PIK3R3: variants seen among roughly 807,000 people sequenced by gnomAD.
PIK3R3 encodes phosphatidylinositol 3-kinase regulatory subunit gamma.
PIK3R3 carries 64 observed loss-of-function variants against 62.9 expected under a neutral mutation model. The ratio of observed to expected loss-of-function variants is 1.02; its 90% CI spans 0.83 to 1.25. PIK3R3 has a LOEUF of 1.25. Ranked by LOEUF, PIK3R3 falls within the 50% of genes most tolerant of loss-of-function variation. The pLI is 0.00. For missense variants in PIK3R3, 614 were observed against 561.6 expected (o/e 1.09, Z -0.94); for synonymous variants, 165 against 189.0 (o/e 0.87, Z 1.04).
At chr1:46,152,099 C>T in the PIK3R3 span, among the ~76,000 whole-genome samples, 1 of 152,154 alleles carries the variant, frequency 6.6e-6, no homozygotes, top group Non-Finnish European at 1.5e-5. Context: ...TTCTTTAGTC[C>T]TGGTTCAGAA....
rs75670354 is a variant in PIK3R3 at position 46,052,732 on chromosome 1, T to C, written c.941+3063A>G. Reference sequence around the variant, plus strand: ...GAATAATATCCTAGAATTTTTTTTCTATATTTAAGCAATGAAATTCTGTAT... The same window carrying C: ...GAATAATATCCTAGAATTTTTTTTCCATATTTAAGCAATGAAATTCTGTAT... On this transcript the variant is annotated intron_variant, in intron 7 of 9. Coordinates refer to ENST00000262741, the MANE Select transcript of PIK3R3 (RefSeq NM_003629.4). Among the ~76,000 whole-genome samples the C allele has an allele frequency of 4.2e-3, 635 of 152,296 alleles. 3 individuals are homozygous for C. The highest frequency in any genetic ancestry group is 0.014 in the African/African-American group (585 of 41,558).
At chr1:46,146,702 C>T in the PIK3R3 span, among the ~76,000 whole-genome samples, 4 of 41,958 alleles carry the variant, frequency 9.5e-5, no homozygotes, top group African/African-American at 3.1e-4. Context: ...CACACACACA[C>T]ACACACACAC....
intron 1 of PIK3R3, among the ~76,000 whole-genome samples, chr1:46,098,079 G>T (rs1027182871): frequency 5.9e-5 from 9 of 152,022 alleles, no homozygotes. Flanking sequence ...CAAAAATCAA[G>T]AGTATTTCTA....
At chr1:46,078,057 T>A (rs1204318134) in intron 2 of PIK3R3, among the ~76,000 whole-genome samples, 1 of 152,202 alleles carries the variant, frequency 6.6e-6, no homozygotes, top group Non-Finnish European at 1.5e-5. Flanking sequence ...GTCTCCTAGT[T>A]TGAATTTGTC....
intron 5 of PIK3R3, among the ~76,000 whole-genome samples, chr1:46,065,770 C>A (rs763648629): frequency 1.2e-4 from 18 of 152,174 alleles, no homozygotes; most frequent in Non-Finnish European, 2.1e-4. Flanking sequence ...GGTGGAGTTA[C>A]CCTAACACCC....
chr1:46,159,121 A>T, the PIK3R3 span, among the ~76,000 whole-genome samples: 2 of 148,056 alleles, frequency 1.4e-5, no homozygotes, highest in African/African-American at 2.5e-5. Flanking sequence ...ATAAATAAAT[A>T]AAATAAAATG....
At chr1:46,147,515 G>T in the PIK3R3 span, among the ~76,000 whole-genome samples, 4 of 151,892 alleles carry the variant, frequency 2.6e-5, no homozygotes, top group Non-Finnish European at 5.9e-5. Flanking sequence ...CCTCCCGAGT[G>T]CACGCCATTC....
rs1649851449 is a variant in PIK3R3 at position 46,074,306 on chromosome 1, A to AC, written c.314+3208_314+3209insG. On this transcript the variant is annotated intron_variant, in intron 3 of 9. Coordinates refer to ENST00000262741, the MANE Select transcript of PIK3R3 (RefSeq NM_003629.4). ...TCCGTCAAAAAAAAAAAAAAAAAAA[A>AC]AAAAAAAAAAACCAATAAATTCAGC... 3.4e-5 allele frequency among the ~76,000 whole-genome samples: 5 copies of AC among 146,228 alleles called. No homozygotes were observed. In the South Asian group the frequency reaches 8.7e-4, roughly 25 times the overall value.
At chr1:46,062,209 T>C (rs1482811566) in intron 5 of PIK3R3, 138 bp from the exon 6 acceptor site, 1 of 669,390 alleles carries the variant, frequency 1.5e-6, no homozygotes, top group Non-Finnish European at 2.5e-6. Context: ...GTCTTCTCCT[T>C]GTTTAGGAGG....
upstream of PIK3R3, chr1:46,132,701 G>A (rs751316416): frequency 3.9e-6 from 5 of 1,289,414 alleles, no homozygotes; most frequent in Admixed American, 4.6e-5. Flanking sequence ...CTGCCCACCC[G>A]CTGAGGCGCC....
upstream of PIK3R3, among the ~76,000 whole-genome samples, chr1:46,135,250 G>A (rs931343049): frequency 2.0e-5 from 3 of 152,126 alleles, no homozygotes; most frequent in Non-Finnish European, 4.4e-5. Context: ...ATTTGACCTG[G>A]GTGTGGATTA....
intron 8 of PIK3R3, 29 bp from the exon 9 acceptor site, chr1:46,046,117 T>A (rs1348982419): frequency 1.5e-6 from 2 of 1,342,616 alleles, no homozygotes; most frequent in Non-Finnish European, 2.1e-6. Flanking sequence ...TATATTATTC[T>A]AACAAGTTAC....
chr1:46,043,889 A>T lies in PIK3R3; in HGVS notation c.1188-18T>A. 1.2e-6 allele frequency: 2 copies of T among 1,602,132 alleles called. No homozygotes were observed. Among genetic ancestry groups the T allele is most frequent in the Admixed American group, 1.7e-5 (1 of 58,804 alleles). On this transcript the variant is annotated intron_variant, in intron 9 of 9. Transcript: ENST00000262741. ...CATCGGCCCTGCAATGACAAACCAC[A>T]GAAGAAATGTTAAGGTAGGTAACAA... is the stretch of plus-strand genomic sequence containing the variant.
At chr1:46,095,792 G>T (rs931640476) in intron 1 of PIK3R3, among the ~76,000 whole-genome samples, 3 of 152,186 alleles carry the variant, frequency 2.0e-5, no homozygotes, top group Non-Finnish European at 4.4e-5. Context: ...GTTGGAGACA[G>T]TTTCTTCAAG....
chr1:46,140,232 T>G, the PIK3R3 span, among the ~76,000 whole-genome samples: 4 of 152,116 alleles, frequency 2.6e-5, no homozygotes, highest in African/African-American at 9.7e-5. Flanking sequence ...GGCTTCAAGC[T>G]ATCCTCCTGC....
intron 1 of PIK3R3, chr1:46,104,948 A>C (rs978635200): frequency 2.3e-5 from 13 of 558,030 alleles, no homozygotes; most frequent in Admixed American, 2.1e-4. Context: ...AAAAAAAAAA[A>C]AACACACACT....
chr1:46,079,204 T>C (rs566782980), intron 2 of PIK3R3, among the ~76,000 whole-genome samples: 109 of 152,240 alleles, frequency 7.2e-4, no homozygotes, highest in Middle Eastern at 6.8e-3. Context: ...ACCTGGAAAC[T>C]GATTTGACAG....
At chr1:46,094,324 A>G (rs1284325311) in intron 1 of PIK3R3, among the ~76,000 whole-genome samples, 2 of 152,194 alleles carry the variant, frequency 1.3e-5, no homozygotes, top group African/African-American at 4.8e-5. Context: ...AATGAAGTGA[A>G]TTAGAACTAT....
Position 46,131,945 on chromosome 1 carries a change from T to C in PIK3R3, c.8A>G (p.Asn3Ser). ...ATCGCGGTCCATACTCCACACCGTA[T>C]TGTACATCGCGCTGTCAGGGGCAGG... is the stretch of plus-strand genomic sequence containing the variant. MYNTVWSMDRDDA... is the reference protein window; with the variant it reads MYSTVWSMDRDDA... Residue 3 changes from asparagine (N) to serine (S), a missense_variant, in exon 1 of 10, where the codon AAT (asparagine) becomes AGT (serine). Physicochemically the swap from Asn to Ser is conservative, Grantham distance 46 (BLOSUM62 1). Coordinates refer to ENST00000262741, the MANE Select transcript of PIK3R3 (RefSeq NM_003629.4). 1 of 1,614,036 alleles carries C rather than the reference T, an allele frequency of 6.2e-7. No individual in the cohort carries two copies. Among genetic ancestry groups the C allele is most frequent in the South Asian group, 1.1e-5 (1 of 91,076 alleles).
Sources: allele counts gnomAD v4.1 joint callset (sites outside exome capture counted in the v4.1 genomes callset), GRCh38; gene constraint gnomAD v4.1.1; transcripts MANE v1.5; gene names NCBI Gene and HGNC (gene_info 2026-07-23, HGNC 2026-07-21).